GALNT6: variants seen among roughly 807,000 people sequenced by gnomAD.
The protein encoded by GALNT6 is GalNAc transferase 6.
Under a neutral mutation model 65.9 loss-of-function variants are expected in GALNT6, and 51 were observed. The ratio of observed to expected loss-of-function variants is 0.77; its 90% CI spans 0.62 to 0.98. GALNT6 has a LOEUF of 0.98. Among genes scored for constraint, GALNT6 ranks in the 50% least tolerant of loss-of-function variants. The probability of loss-of-function intolerance (pLI) is 0.00; values close to 1 mark genes in which losing one functional copy is unlikely to be tolerated. For synonymous variants in GALNT6, 323 were observed against 315.1 expected (o/e 1.02, Z -0.26); for missense variants, 708 against 803.3 (o/e 0.88, Z 1.43).
chr12:51,366,843 T>C (rs889300304), intron 4 of GALNT6, among the ~76,000 whole-genome samples: 3 of 152,242 alleles, frequency 2.0e-5, no homozygotes, highest in African/African-American at 7.2e-5. Flanking sequence ...ATAGCTCTAT[T>C]CTGGCTGGGC....
At chr12:51,363,951 G>A (rs1034076947) in intron 6 of GALNT6, among the ~76,000 whole-genome samples, 170 bp downstream of exon 6, 2 of 152,168 alleles carry the variant, frequency 1.3e-5, no homozygotes, top group East Asian at 1.9e-4. Context: ...TTATCACTAT[G>A]AGCCTTAGTA....
chr12:51,356,997 G>A (rs1195755286), intron 10 of GALNT6, among the ~76,000 whole-genome samples: 1 of 152,278 alleles, frequency 6.6e-6, no homozygotes, highest in Middle Eastern at 3.4e-3. Flanking sequence ...CAGAGTGGTA[G>A]CTTCTGGGCA....
intron 2 of GALNT6, among the ~76,000 whole-genome samples, chr12:51,388,154 C>T (rs1208416229): frequency 6.6e-6 from 1 of 152,218 alleles, no homozygotes; most frequent in African/African-American, 2.4e-5. Context: ...GCTCCCAAGT[C>T]CTGCTGATTC....
chr12:51,362,824 G>C (rs1946964784), intron 6 of GALNT6, among the ~76,000 whole-genome samples: 1 of 151,206 alleles, frequency 6.6e-6, no homozygotes, highest in African/African-American at 2.4e-5. Context: ...GCATTCACCT[G>C]AGTTCCTTTC....
intron 4 of GALNT6, among the ~76,000 whole-genome samples, chr12:51,368,657 C>T (rs1189222634): frequency 1.3e-5 from 2 of 152,126 alleles, no homozygotes; most frequent in African/African-American, 2.4e-5. Flanking sequence ...CTGCCCGCCT[C>T]GGCCTCCCAA....
intron 10 of GALNT6, among the ~76,000 whole-genome samples, chr12:51,356,648 G>A (rs545816540): frequency 4.6e-5 from 7 of 152,074 alleles, no homozygotes; most frequent in Non-Finnish European, 8.8e-5. Flanking sequence ...ACAGGTGTGG[G>A]CTACCGTGCC....
chr12:51,388,969 C>A (rs1237988837), intron 2 of GALNT6, among the ~76,000 whole-genome samples: 1 of 152,220 alleles, frequency 6.6e-6, no homozygotes, highest in East Asian at 1.9e-4. Flanking sequence ...TCAGGTGCCA[C>A]AAAAGTCTTC....
At chr12:51,369,569 A>T (rs145095438) in intron 4 of GALNT6, among the ~76,000 whole-genome samples, 1 of 152,344 alleles carries the variant, frequency 6.6e-6, no homozygotes, top group Non-Finnish European at 1.5e-5. Context: ...CACCGCACTC[A>T]GTTCCATGAT....
chr12:51,364,472 G>A (rs1051994846), intron 5 of GALNT6, 117 bp from the exon 6 acceptor site: 1 of 692,648 alleles, frequency 1.4e-6, no homozygotes. Flanking sequence ...CTGGGTTACA[G>A]GCAGCAAGCC....
rs552999736 is a variant in GALNT6, at chr12:51,379,301, G to A, written c.481C>T (p.Arg161Ter). The A allele has an allele frequency of 7.2e-5, 110 of 1,522,062 alleles. 2 individuals are homozygous for A. In the South Asian group the frequency reaches 9.7e-4, roughly 13 times the overall value. The allele number at this position is 1,522,062 out of a possible 1,614,324, so 94.3% of individuals were successfully genotyped here. A position where few individuals can be genotyped will look rare whatever the true frequency, so the allele number is the denominator to read the frequency against. The change falls in exon 3 of 12, where the codon CGA (arginine) becomes TGA (stop). Residue 161 changes from arginine to a stop codon, truncating the protein, a stop_gained. Coordinates refer to ENST00000356317, the MANE Select transcript of GALNT6 (RefSeq NM_007210.4). LOFTEE classifies it high-confidence loss of function. ...SLQRSLGPDTRPPECVDQKFR... is the reference protein window; with the variant it reads ...SLQRSLGPDT ...CTGGGTGCTACTTACTCAGGTGGTC[G>A]GGTGTCTGGCCCCAGGGACCTCTGC...
intron 8 of GALNT6, among the ~76,000 whole-genome samples, chr12:51,358,552 C>T (rs1021344325): frequency 1.1e-4 from 16 of 152,158 alleles, no homozygotes; most frequent in Admixed American, 2.0e-4. Context: ...CTGCCCGCCT[C>T]GGCCTCCCTA....
At chr12:51,389,289 TAAG>T (rs1167331704) in intron 2 of GALNT6, among the ~76,000 whole-genome samples, 1 of 152,226 alleles carries the variant, frequency 6.6e-6, no homozygotes, top group Admixed American at 6.5e-5. Context: ...CAGAAAATGT[TAAG>T]AAGAATACCA....
At chr12:51,385,176 TG>T (rs1428359795) in intron 2 of GALNT6, among the ~76,000 whole-genome samples, 1 of 152,006 alleles carries the variant, frequency 6.6e-6, no homozygotes, top group Non-Finnish European at 1.5e-5. Context: ...TTGGTAGAGA[TG>T]GGGGTCTCAC....
chr12:51,373,235 T>C (rs968432421), intron 4 of GALNT6, among the ~76,000 whole-genome samples: 2 of 152,118 alleles, frequency 1.3e-5, no homozygotes, highest in African/African-American at 4.8e-5. Context: ...AGTGGTGAAA[T>C]GATATGGTTT....
In GALNT6 at chr12:51,359,342, G is replaced by A; in HGVS notation, c.1168-10C>T. The A allele has an allele frequency of 5.6e-6, 9 of 1,595,880 alleles. No homozygotes were observed. Among genetic ancestry groups the A allele is most frequent in the Non-Finnish European group, 7.7e-6 (9 of 1,168,374 alleles). On this transcript the variant is annotated splice_polypyrimidine_tract_variant and intron_variant, in intron 7 of 11. Coordinates refer to ENST00000356317, the MANE Select transcript of GALNT6 (RefSeq NM_007210.4). ...CCCCACACTGCCACACCTGATGTAAGAGGAGACAGGATGAGGCCTTCAGTG... is the reference window on the plus strand; with the variant it reads ...CCCCACACTGCCACACCTGATGTAAAAGGAGACAGGATGAGGCCTTCAGTG...
In GALNT6 at chr12:51,364,120, C is replaced by A; in HGVS notation, c.1049+1G>T. 1 of 1,610,512 alleles carries A rather than the reference C, an allele frequency of 6.2e-7. No individual in the cohort carries two copies. On this transcript the variant is annotated splice_donor_variant, in intron 6 of 11. Coordinates refer to ENST00000356317, the MANE Select transcript of GALNT6 (RefSeq NM_007210.4). LOFTEE classifies it high-confidence loss of function. ...GGGGCTCACCAGGCTGCGGTCCTTA[C>A]TTGATGGGGTAGGTTTCATCCTTGC...
At chr12:51,376,710 C>T (rs982284752) in intron 4 of GALNT6, among the ~76,000 whole-genome samples, 1 of 151,148 alleles carries the variant, frequency 6.6e-6, no homozygotes, top group Admixed American at 6.6e-5. Flanking sequence ...TCTCCTTTGT[C>T]ATGGCATCCC....
intron 6 of GALNT6, among the ~76,000 whole-genome samples, chr12:51,361,248 C>T (rs1338151138): frequency 6.6e-6 from 1 of 152,202 alleles, no homozygotes; most frequent in Non-Finnish European, 1.5e-5. Flanking sequence ...AGGAGATACT[C>T]AACTTTCAGA....
chr12:51,357,803 C>G (rs1387093752), intron 9 of GALNT6, among the ~76,000 whole-genome samples: 2 of 152,104 alleles, frequency 1.3e-5, no homozygotes, highest in South Asian at 2.1e-4. Context: ...CCTGGAGACT[C>G]GTGAGAAATG....
Sources: gnomAD v4.1 joint callset for allele counts (sites outside exome capture counted in the v4.1 genomes callset) on GRCh38, gnomAD v4.1.1 for gene constraint, MANE v1.5 for transcripts, NCBI Gene and HGNC (gene_info 2026-07-23, HGNC 2026-07-21) for gene names.